CNGB3: variants seen among roughly 807,000 people sequenced by gnomAD.
CNGB3 encodes cyclic nucleotide-gated channel beta-3.
CNGB3 carries 86 observed loss-of-function variants against 92.8 expected under a neutral mutation model. The observed-to-expected ratio is 0.93, with a 90% CI of 0.78 to 1.11. The LOEUF is 1.11. Ranked by LOEUF, CNGB3 falls within the 50% of genes least tolerant of loss-of-function variation. CNGB3 has a pLI of 0.00. For missense variants in CNGB3, 1,026 were observed against 956.8 expected, an observed-to-expected ratio of 1.07 and a Z score of -0.95; for synonymous variants, 333 against 332.7, an observed-to-expected ratio of 1.00 and a Z score of -0.01.
rs1227646647 is a variant in CNGB3 at position 86,661,153 on chromosome 8, A to G, written c.852+5772T>C. On this transcript the variant is annotated intron_variant, in intron 6 of 17. Transcript: ENST00000320005. Reference sequence around the variant, plus strand: ...TATAACAGATTCATACTTTAGGACGACAACCCAGTTGACAACCACAACAGT... The same window carrying G: ...TATAACAGATTCATACTTTAGGACGGCAACCCAGTTGACAACCACAACAGT... 7 of 229,736 alleles carry G rather than the reference A, an allele frequency of 3.0e-5. No homozygotes were observed. The Admixed American group carries it at 3.6e-4, about 12-fold the overall frequency. The allele number at this position is 229,736 out of a possible 1,614,324, so 14.2% of individuals were successfully genotyped here.
chr8:86,671,161 T>G (rs1345369208), intron 3 of CNGB3, 63 bp from the exon 4 acceptor site: 1 of 1,568,138 alleles, frequency 6.4e-7, no homozygotes, highest in Non-Finnish European at 8.7e-7. Flanking sequence ...AAGGGAAAGA[T>G]TAAATCTTTT....
rs758366612 is a variant in CNGB3, at chr8:86,578,867, T to G, written c.1929-4A>C. 6.2e-7 allele frequency: 1 copy of G among 1,614,192 alleles called. No homozygotes were observed. The highest frequency in any genetic ancestry group is 1.1e-5 in the South Asian group (1 of 91,090). On this transcript the variant is annotated splice_region_variant and splice_polypyrimidine_tract_variant and intron_variant, in intron 16 of 17. Transcript: ENST00000320005. ...AGCCTTCTGCTTTAAAAGCACTCTG[T>G]GGGTAAGAGAGAAAAGCTGTTTTAG...
intron 13 of CNGB3, among the ~76,000 whole-genome samples, chr8:86,618,847 C>T (rs1236282036): frequency 2.0e-5 from 3 of 152,228 alleles, no homozygotes; most frequent in Admixed American, 2.0e-4. Context: ...TGCTGGGGAT[C>T]TGCATGTGAG....
intron 15 of CNGB3, among the ~76,000 whole-genome samples, chr8:86,582,221 C>G (rs1302577695): frequency 6.6e-6 from 1 of 151,946 alleles, no homozygotes; most frequent in Non-Finnish European, 1.5e-5. Context: ...TGGTCAAACC[C>G]CATCTCCACT....
chr8:86,662,830 C>G (rs1242276657), intron 6 of CNGB3, among the ~76,000 whole-genome samples: 1 of 152,142 alleles, frequency 6.6e-6, no homozygotes, highest in Non-Finnish European at 1.5e-5. Context: ...CCCTTCAAAC[C>G]GTCTCCGAGC....
chr8:86,594,136 C>T (rs933421832), intron 15 of CNGB3: 1 of 295,532 alleles, frequency 3.4e-6, no homozygotes, highest in Non-Finnish European at 6.8e-6. Flanking sequence ...CCACGGAGGT[C>T]TGGGGACAGC....
At position 86,706,113 on chromosome 8, in the gene CNGB3, T is replaced by A. The variant is rs567938008; in HGVS notation, c.338+20418A>T. ...ACAATTCCTTTCATAATGTAGTTTA[T>A]ATTCTTTAGTGAACTTTTAAAAATT... On this transcript the variant is annotated intron_variant, in intron 3 of 17. Transcript: ENST00000320005. Among the ~76,000 whole-genome samples, 12 of 152,352 alleles carry A rather than the reference T, an allele frequency of 7.9e-5. No individual in the cohort carries two copies. The East Asian group carries it at 1.9e-3, about 25-fold the overall frequency.
intron 15 of CNGB3, among the ~76,000 whole-genome samples, chr8:86,593,023 C>T (rs1242734972): frequency 1.3e-5 from 2 of 152,178 alleles, no homozygotes; most frequent in Admixed American, 1.3e-4. Flanking sequence ...TTTGCAGATA[C>T]TTTGATATTC....
chr8:86,694,072 G>A (rs1343187941), intron 3 of CNGB3, among the ~76,000 whole-genome samples: 2 of 127,374 alleles, frequency 1.6e-5, no homozygotes, highest in African/African-American at 2.9e-5. Context: ...GGCCGGGCGG[G>A]GGGGCTGACC....
rs182975117 is a variant in CNGB3, at chr8:86,594,896, T to C, written c.1781+9197A>G. Among the ~76,000 whole-genome samples the C allele has an allele frequency of 6.7e-3, 1,020 of 152,144 alleles. 18 individuals carry two copies. The highest frequency in any genetic ancestry group is 8.8e-3 in the Non-Finnish European group (601 of 67,996). ...GCTAATTTTTGTATATATATACATA[T>C]ATTTTTAAGTAGAGACAGGGTTTCA... On this transcript the variant is annotated intron_variant, in intron 15 of 17. Coordinates refer to ENST00000320005, the MANE Select transcript of CNGB3 (RefSeq NM_019098.5).
At chr8:86,640,657 T>C (rs1823164873) in intron 10 of CNGB3, among the ~76,000 whole-genome samples, 1 of 152,092 alleles carries the variant, frequency 6.6e-6, no homozygotes, top group African/African-American at 2.4e-5. Context: ...TGCGTGATTC[T>C]AGAATTGCAA....
intron 3 of CNGB3, among the ~76,000 whole-genome samples, chr8:86,696,183 G>A (rs981274052): frequency 4.6e-5 from 7 of 152,180 alleles, no homozygotes; most frequent in Admixed American, 1.3e-4. Flanking sequence ...ATTAGCCAGG[G>A]CGTTGCAGGC....
intron 15 of CNGB3, among the ~76,000 whole-genome samples, chr8:86,589,453 C>T (rs1312029749): frequency 6.6e-6 from 1 of 151,376 alleles, no homozygotes; most frequent in East Asian, 1.9e-4. Context: ...TTGGATCTTT[C>T]CTGCTTTCTC....
chr8:86,581,113 C>A (rs566186030), intron 15 of CNGB3, among the ~76,000 whole-genome samples: 50 of 152,248 alleles, frequency 3.3e-4, no homozygotes, highest in African/African-American at 1.2e-3. Flanking sequence ...CCTGTCCTTA[C>A]AACAAGAAAA....
chr8:86,608,910 T>G (rs1822465073), intron 14 of CNGB3, among the ~76,000 whole-genome samples: 1 of 152,160 alleles, frequency 6.6e-6, no homozygotes, highest in Non-Finnish European at 1.5e-5. Context: ...TCTCCGCGCA[T>G]TGGTGGTAGT....
intron 2 of CNGB3, among the ~76,000 whole-genome samples, chr8:86,733,622 C>G (rs1405317353): frequency 6.6e-6 from 1 of 152,184 alleles, no homozygotes; most frequent in African/African-American, 2.4e-5. Context: ...AGGGAGTGGA[C>G]TACAGAACTA....
rs187891992 is a variant in CNGB3, at chr8:86,722,369, C to G, written c.338+4162G>C. On this transcript the variant is annotated intron_variant, in intron 3 of 17. Transcript: ENST00000320005. Reference sequence around the variant, plus strand: ...TGGACAAATGGCATCAGTGGGACTTCACAGGGGTGAACCCTGTGTCTTTCA... The same window carrying G: ...TGGACAAATGGCATCAGTGGGACTTGACAGGGGTGAACCCTGTGTCTTTCA... Among the ~76,000 whole-genome samples the G allele has an allele frequency of 7.2e-5, 11 of 152,280 alleles. No homozygotes were observed. The East Asian group carries it at 1.4e-3, about 19-fold the overall frequency.
At chr8:86,592,776 C>A (rs535227943) in intron 15 of CNGB3, among the ~76,000 whole-genome samples, 1 of 152,238 alleles carries the variant, frequency 6.6e-6, no homozygotes, top group African/African-American at 2.4e-5. Flanking sequence ...GATTAAAACT[C>A]CAAATATTTG....
chr8:86,636,294 G>A lies in CNGB3; in HGVS notation c.1179-3401C>T, dbSNP rs113432531. Among the ~76,000 whole-genome samples, 119 of 152,058 alleles carry A rather than the reference G, an allele frequency of 7.8e-4. 1 individual carries two copies. In the South Asian group the frequency reaches 0.012, roughly 15 times the overall value. ...ATACAGTTAAAGCACTAATGAGGCCGGGCATGGCGGCTCACACCTGTAATC... is the reference window on the plus strand; with the variant it reads ...ATACAGTTAAAGCACTAATGAGGCCAGGCATGGCGGCTCACACCTGTAATC... On this transcript the variant is annotated intron_variant, in intron 10 of 17. Coordinates refer to ENST00000320005, the MANE Select transcript of CNGB3 (RefSeq NM_019098.5).
Sources: allele counts gnomAD v4.1 joint callset (sites outside exome capture counted in the v4.1 genomes callset), GRCh38; gene constraint gnomAD v4.1.1; transcripts MANE v1.5; gene names NCBI Gene and HGNC (gene_info 2026-07-23, HGNC 2026-07-21).